The following PDIA5 variants were observed in gnomAD, a reference collection of about 807,000 sequenced individuals.
PDIA5 encodes the protein protein disulfide isomerase family A member 5.
In PDIA5, 58 loss-of-function variants were observed where a neutral mutation model predicts 77.6. The observed-to-expected ratio is 0.75, with a 90% CI of 0.61 to 0.93. The LOEUF (loss-of-function observed/expected upper bound fraction) is 0.93, where lower values mean the gene tolerates loss of function less well. PDIA5 is among the 40% of genes least tolerant of loss of function. PDIA5 has a pLI of 0.00. For missense variants in PDIA5, 630 were observed against 647.7 expected, an observed-to-expected ratio of 0.97 and a Z score of 0.30; for synonymous variants, 250 against 252.1, an observed-to-expected ratio of 0.99 and a Z score of 0.08.
At chr3:123,085,571 G>A (rs1302221517) in intron 1 of PDIA5, among the ~76,000 whole-genome samples, 2 of 152,114 alleles carry the variant, frequency 1.3e-5, no homozygotes, top group Non-Finnish European at 2.9e-5. Context: ...GGAAGCTGAG[G>A]GTGTGCTGTG....
chr3:123,159,068 A>C (rs555446482), intron 15 of PDIA5, among the ~76,000 whole-genome samples: 1 of 152,272 alleles, frequency 6.6e-6, no homozygotes, highest in African/African-American at 2.4e-5. Flanking sequence ...TAGTAGATTT[A>C]TAAAACCATA....
chr3:123,141,291 G>T (rs572288308), intron 11 of PDIA5, among the ~76,000 whole-genome samples: 130 of 152,310 alleles, frequency 8.5e-4, no homozygotes, highest in African/African-American at 3.0e-3. Context: ...GGTATGGGGA[G>T]AGTGGTCAAG....
At chr3:123,080,065 C>T (rs992093217) in intron 1 of PDIA5, among the ~76,000 whole-genome samples, 2 of 152,012 alleles carry the variant, frequency 1.3e-5, no homozygotes, top group South Asian at 2.1e-4. Context: ...TGAGGTCACA[C>T]GTGAGGAATT....
intron 8 of PDIA5, among the ~76,000 whole-genome samples, chr3:123,123,779 C>G (rs1029256274): frequency 3.3e-5 from 5 of 152,354 alleles, no homozygotes; most frequent in Admixed American, 6.5e-5. Context: ...CTTCTGCAAC[C>G]CTCAGAACGT....
intron 1 of PDIA5, among the ~76,000 whole-genome samples, chr3:123,073,112 C>T (rs78169964): frequency 0.01 from 1,578 of 152,318 alleles, 31 homozygotes; most frequent in African/African-American, 0.036. Flanking sequence ...ATTGTCAAAT[C>T]GGATGCATTT....
chr3:123,140,905 C>T (rs750892321), intron 11 of PDIA5, among the ~76,000 whole-genome samples: 4 of 152,192 alleles, frequency 2.6e-5, no homozygotes, highest in African/African-American at 4.8e-5. Flanking sequence ...CTGTGGCAGA[C>T]GTTGCAAGTT....
At chr3:123,082,493 A>T (rs1934035539) in intron 1 of PDIA5, among the ~76,000 whole-genome samples, 1 of 151,958 alleles carries the variant, frequency 6.6e-6, no homozygotes. Flanking sequence ...TGTGCTCTAA[A>T]TGTGCCGTGT....
chr3:123,084,705 G>A (rs747130988), intron 1 of PDIA5, among the ~76,000 whole-genome samples: 2 of 152,112 alleles, frequency 1.3e-5, no homozygotes, highest in African/African-American at 2.4e-5. Context: ...CAGTCTCCCA[G>A]CCCGGAATTC....
chr3:123,136,935 G>A (rs1935519217), intron 11 of PDIA5, among the ~76,000 whole-genome samples: 1 of 152,050 alleles, frequency 6.6e-6, no homozygotes, highest in South Asian at 2.1e-4. Flanking sequence ...ATTTGGATAT[G>A]CCAGAAATTT....
chr3:123,112,707 G>A (rs1200118527), intron 7 of PDIA5, among the ~76,000 whole-genome samples: 24 of 151,934 alleles, frequency 1.6e-4, no homozygotes, highest in African/African-American at 4.8e-4. Context: ...ATAGGTGCCC[G>A]CCATGAGGCC....
intron 15 of PDIA5, among the ~76,000 whole-genome samples, 200 bp from the exon 16 acceptor site, chr3:123,161,121 C>T (rs915737480): frequency 2.0e-5 from 3 of 152,270 alleles, no homozygotes; most frequent in South Asian, 2.1e-4. Context: ...CCTAACCTTA[C>T]CCATCTGGAA....
intron 14 of PDIA5, among the ~76,000 whole-genome samples, chr3:123,151,010 T>C (rs1430298998): frequency 6.6e-6 from 1 of 152,230 alleles, no homozygotes; most frequent in African/African-American, 2.4e-5. Context: ...ACAGCTCAGC[T>C]TAATGGAGTG....
chr3:123,117,898 C>T (rs531269509), intron 8 of PDIA5, among the ~76,000 whole-genome samples: 2 of 152,150 alleles, frequency 1.3e-5, no homozygotes, highest in East Asian at 1.9e-4. Flanking sequence ...AAACAGCTGC[C>T]GGCTCCTCTA....
At chr3:123,069,784 G>A (rs1933677461) in intron 1 of PDIA5, among the ~76,000 whole-genome samples, 1 of 152,014 alleles carries the variant, frequency 6.6e-6, no homozygotes, top group Non-Finnish European at 1.5e-5. Flanking sequence ...AATTTTCAGG[G>A]GAATGACAGA....
At chr3:123,147,102 T>C (rs957010576) in intron 13 of PDIA5, among the ~76,000 whole-genome samples, 3 of 152,188 alleles carry the variant, frequency 2.0e-5, no homozygotes, top group African/African-American at 7.2e-5. Context: ...TGAACCACCA[T>C]GTGCAGCCTA....
At chr3:123,159,210 G>A (rs1052568706) in intron 15 of PDIA5, among the ~76,000 whole-genome samples, 2 of 152,236 alleles carry the variant, frequency 1.3e-5, no homozygotes, top group Non-Finnish European at 2.9e-5. Flanking sequence ...CTCCTGGCCC[G>A]GGCTGGGCAT....
intron 1 of PDIA5, among the ~76,000 whole-genome samples, chr3:123,087,726 T>C (rs1463987504): frequency 6.6e-6 from 1 of 152,218 alleles, no homozygotes; most frequent in Admixed American, 6.5e-5. Context: ...TGAACCTTGA[T>C]TATCTGTCTG....
At chr3:123,077,076 G>A (rs151076374) in intron 1 of PDIA5, among the ~76,000 whole-genome samples, 2 of 152,296 alleles carry the variant, frequency 1.3e-5, no homozygotes, top group East Asian at 3.9e-4. Context: ...AGCTGGACTT[G>A]TATTTACAGC....
At chr3:123,140,044 A>AG (rs1935588395) in intron 11 of PDIA5, among the ~76,000 whole-genome samples, 1 of 152,150 alleles carries the variant, frequency 6.6e-6, no homozygotes, top group Non-Finnish European at 1.5e-5. Flanking sequence ...GTGGTCAGGG[A>AG]GGGTCTCCTA....
Sources: gnomAD v4.1 joint callset for allele counts (sites outside exome capture counted in the v4.1 genomes callset) on GRCh38, gnomAD v4.1.1 for gene constraint, MANE v1.5 for transcripts, NCBI Gene and HGNC (gene_info 2026-07-23, HGNC 2026-07-21) for gene names.